Variants in PACRG observed in about 807,000 individuals in gnomAD.
The protein encoded by PACRG is parkin coregulated.
In PACRG, 29 loss-of-function variants were observed where a neutral mutation model predicts 29.7. The ratio of observed to expected loss-of-function variants is 0.98; its 90% CI spans 0.73 to 1.33. The LOEUF (loss-of-function observed/expected upper bound fraction) is 1.33. Ranked by LOEUF, PACRG falls within the 40% of genes most tolerant of loss-of-function variation. The probability of loss-of-function intolerance (pLI) is 0.00; values close to 1 mark genes in which losing one functional copy is unlikely to be tolerated. For synonymous variants in PACRG, 116 were observed against 118.7 expected (o/e 0.98, Z 0.15); for missense variants, 279 against 316.2 (o/e 0.88, Z 0.89).
chr6:162,957,009 A>G (rs1298290937), intron 2 of PACRG, among the ~76,000 whole-genome samples: 1 of 152,066 alleles, frequency 6.6e-6, no homozygotes, highest in Non-Finnish European at 1.5e-5. Context: ...TTAGAAACAC[A>G]AATACTTACC....
At chr6:163,306,714 A>G (rs188271275) in intron 4 of PACRG, among the ~76,000 whole-genome samples, 1 of 152,332 alleles carries the variant, frequency 6.6e-6, no homozygotes, top group East Asian at 1.9e-4. Flanking sequence ...TTGACACCTG[A>G]TTTTGATGCT....
At chr6:163,179,606 C>G (rs1022863953) in intron 4 of PACRG, among the ~76,000 whole-genome samples, 1 of 151,162 alleles carries the variant, frequency 6.6e-6, no homozygotes, top group South Asian at 2.1e-4. Context: ...CTCGGGAGGC[C>G]GAGATGGGAG....
intron 2 of PACRG, among the ~76,000 whole-genome samples, chr6:162,871,477 T>C (rs1337940068): frequency 1.3e-5 from 2 of 152,246 alleles, no homozygotes; most frequent in Non-Finnish European, 1.5e-5. Context: ...AGTGGCCTTC[T>C]TCTGTGCCTC....
At chr6:162,927,200 G>A (rs1797507823) in intron 2 of PACRG, among the ~76,000 whole-genome samples, 1 of 152,114 alleles carries the variant, frequency 6.6e-6, no homozygotes, top group Non-Finnish European at 1.5e-5. Context: ...TTATACTGTT[G>A]GTGGGAATGT....
rs114824339 is a variant in PACRG at position 163,262,273 on chromosome 6, T to C, written c.614-52554T>C. 1.3e-3 allele frequency among the ~76,000 whole-genome samples: 195 copies of C among 152,336 alleles called. 2 individuals are homozygous for C. The highest frequency in any genetic ancestry group is 4.5e-3 in the African/African-American group (188 of 41,572). On this transcript the variant is annotated intron_variant, in intron 4 of 4. Coordinates refer to ENST00000366888, the MANE Select transcript of PACRG (RefSeq NM_001080379.2). ...GGGGAGCTAACTCTGCCCTGGAATA[T>C]TATTTATGTTCTAAAGTGCTAAAAG...
chr6:163,122,184 A>C (rs1459855102), intron 4 of PACRG, among the ~76,000 whole-genome samples: 2 of 152,102 alleles, frequency 1.3e-5, no homozygotes, highest in Non-Finnish European at 2.9e-5. Context: ...TGTTTAGATA[A>C]TATCTTGAGA....
At chr6:163,313,150 C>T (rs375225499) in intron 4 of PACRG, among the ~76,000 whole-genome samples, 3 of 151,542 alleles carry the variant, frequency 2.0e-5, no homozygotes, top group East Asian at 3.9e-4. Context: ...TTGGGATGAT[C>T]AAACTTTAAA....
chr6:163,066,732 A>G (rs1811578426), intron 3 of PACRG, among the ~76,000 whole-genome samples: 1 of 152,248 alleles, frequency 6.6e-6, no homozygotes, highest in African/African-American at 2.4e-5. Context: ...AGCTACGAAA[A>G]TTAACTTTAC....
chr6:163,247,691 C>T lies in PACRG; in HGVS notation c.614-67136C>T, dbSNP rs373084331. Reference sequence around the variant, plus strand: ...AAAGCTGCAGTCATTTCTATTAGGACCCCCCTCCATAACAAACAATCTTTA... The same window carrying T: ...AAAGCTGCAGTCATTTCTATTAGGATCCCCCTCCATAACAAACAATCTTTA... On this transcript the variant is annotated intron_variant, in intron 4 of 4. Coordinates refer to ENST00000366888, the MANE Select transcript of PACRG (RefSeq NM_001080379.2). Among the ~76,000 whole-genome samples the T allele has an allele frequency of 7.9e-4, 120 of 151,956 alleles. 4 individuals are homozygous for T. In the South Asian group the frequency reaches 0.024, roughly 30 times the overall value.
chr6:162,838,285 A>C (rs1789422041), intron 2 of PACRG, among the ~76,000 whole-genome samples: 1 of 152,186 alleles, frequency 6.6e-6, no homozygotes, highest in East Asian at 1.9e-4. Flanking sequence ...TGCTCCAGGC[A>C]GTCACTCAGG....
At chr6:163,087,449 A>G (rs979739762) in intron 3 of PACRG, among the ~76,000 whole-genome samples, 2 of 149,194 alleles carry the variant, frequency 1.3e-5, no homozygotes, top group Non-Finnish European at 3.0e-5. Flanking sequence ...GATGGAAACC[A>G]GGACCAGAGG....
At chr6:163,136,370 A>G (rs1219452093) in intron 4 of PACRG, among the ~76,000 whole-genome samples, 4 of 152,170 alleles carry the variant, frequency 2.6e-5, no homozygotes, top group African/African-American at 4.8e-5. Context: ...TTGTGTTTCT[A>G]TTTGAATTTG....
intron 1 of PACRG, among the ~76,000 whole-genome samples, chr6:162,799,509 C>T (rs1322348439): frequency 6.6e-6 from 1 of 151,998 alleles, no homozygotes; most frequent in Non-Finnish European, 1.5e-5. Flanking sequence ...ACATTTCTTG[C>T]TTTCTTTATT....
chr6:162,728,042 G>A lies in PACRG; in HGVS notation c.-194G>A. 1.4e-6 allele frequency: 1 copy of A among 709,170 alleles called. No homozygotes were observed. The highest frequency in any genetic ancestry group is 1.8e-5 in the South Asian group (1 of 55,880). 43.9% of individuals were successfully genotyped at this position (709,170 alleles called of 1,614,324 possible). On this transcript the variant is annotated 5_prime_UTR_variant, in exon 1 of 5. Coordinates refer to ENST00000366888, the MANE Select transcript of PACRG (RefSeq NM_001080379.2). The stretch of plus-strand genomic sequence containing the variant: ...CTAGCCAAGGTCCTGCCCTCTTCCC[G>A]CCCCGCCCCTAGGGTCCAGCTCCCT...
chr6:163,311,810 C>G (rs1440189055), intron 4 of PACRG, among the ~76,000 whole-genome samples: 2 of 125,068 alleles, frequency 1.6e-5, no homozygotes, highest in African/African-American at 7.1e-5. Context: ...CTCCTATGGT[C>G]AAATTTTTTT....
At chr6:163,292,575 A>ATTATTTATTTATTTAT (rs1554242810) in intron 4 of PACRG, among the ~76,000 whole-genome samples, 2,749 of 97,940 alleles carry the variant, frequency 0.028, 44 homozygotes, top group Middle Eastern at 0.056. Context: ...TAATTTATGT[A>ATTATTTATTTATTTAT]TTATTTATTT....
intron 2 of PACRG, among the ~76,000 whole-genome samples, chr6:163,028,232 G>T (rs1367807007): frequency 6.6e-6 from 1 of 152,180 alleles, no homozygotes; most frequent in East Asian, 1.9e-4. Context: ...ATGACTGAAA[G>T]AAATGTATCC....
At chr6:163,028,721 T>A (rs1807376592) in intron 2 of PACRG, among the ~76,000 whole-genome samples, 1 of 152,244 alleles carries the variant, frequency 6.6e-6, no homozygotes, top group East Asian at 1.9e-4. Context: ...ACTCTAAATC[T>A]TATCAGGACT....
chr6:162,999,656 A>G (rs970640437), intron 2 of PACRG, among the ~76,000 whole-genome samples: 3 of 152,264 alleles, frequency 2.0e-5, no homozygotes, highest in African/African-American at 2.4e-5. Flanking sequence ...AGCATTCTAC[A>G]TAGTAAAACA....
Sources: gnomAD v4.1 joint callset for allele counts (sites outside exome capture counted in the v4.1 genomes callset) on GRCh38, gnomAD v4.1.1 for gene constraint, MANE v1.5 for transcripts, NCBI Gene and HGNC (gene_info 2026-07-23, HGNC 2026-07-21) for gene names.